CD2AP: variants seen among roughly 807,000 people sequenced by gnomAD.
The protein encoded by CD2AP is CD2-associated protein.
Under a neutral mutation model 85.1 loss-of-function variants are expected in CD2AP, and 46 were observed. That is an observed-to-expected ratio of 0.54 (90% CI 0.43 to 0.69). CD2AP has a LOEUF of 0.69. CD2AP is among the 30% of genes least tolerant of loss of function. CD2AP has a pLI of 0.00. For synonymous variants in CD2AP, 255 were observed against 252.9 expected, an observed-to-expected ratio of 1.01 and a Z score of -0.08; for missense variants, 769 against 729.5, an observed-to-expected ratio of 1.05 and a Z score of -0.62.
chr6:47,513,907 C>G lies in CD2AP; in HGVS notation c.165+10467C>G, dbSNP rs575343143. Among the ~76,000 whole-genome samples, 11 of 150,506 alleles carry G rather than the reference C, an allele frequency of 7.3e-5. 1 individual carries two copies. The East Asian group carries it at 2.1e-3, about 29-fold the overall frequency. On this transcript the variant is annotated intron_variant, in intron 2 of 17. Transcript: ENST00000359314. ...AATTTTTTTTTGGGGGGGGGGCTAG[C>G]CTTACAGATGTACAGTAGTATCTAC...
chr6:47,607,490 C>T (rs370153974), intron 14 of CD2AP, among the ~76,000 whole-genome samples: 43 of 152,132 alleles, frequency 2.8e-4, no homozygotes, highest in Middle Eastern at 3.4e-3. Context: ...TGGATAAAAA[C>T]CATTTTAATT....
At chr6:47,505,011 CT>C (rs58060161) in intron 2 of CD2AP, among the ~76,000 whole-genome samples, 159 of 95,058 alleles carry the variant, frequency 1.7e-3, no homozygotes, top group African/African-American at 3.6e-3. Flanking sequence ...GTGGCAGTTT[CT>C]TTTTTTTTTT....
intron 2 of CD2AP, among the ~76,000 whole-genome samples, chr6:47,524,176 A>C (rs1200038391): frequency 6.6e-6 from 1 of 152,148 alleles, no homozygotes; most frequent in Non-Finnish European, 1.5e-5. Flanking sequence ...AGGAGTTAAT[A>C]CATTTTGTTT....
At chr6:47,542,549 G>A (rs1470875158) in intron 3 of CD2AP, among the ~76,000 whole-genome samples, 1 of 152,134 alleles carries the variant, frequency 6.6e-6, no homozygotes, top group Admixed American at 6.5e-5. Flanking sequence ...GAAAGGGCAG[G>A]AGGGTATTAG....
At chr6:47,481,482 A>AT (rs1765442280) in intron 1 of CD2AP, among the ~76,000 whole-genome samples, 1 of 152,046 alleles carries the variant, frequency 6.6e-6, no homozygotes, top group Admixed American at 6.5e-5. Flanking sequence ...AGTAGCTGGG[A>AT]TTACAGGTGT....
intron 11 of CD2AP, among the ~76,000 whole-genome samples, chr6:47,595,307 G>T (rs1768909135): frequency 1.3e-5 from 2 of 151,882 alleles, no homozygotes; most frequent in South Asian, 4.2e-4. Context: ...AAAATTCTTA[G>T]TGCAGTACTA....
chr6:47,526,241 G>C (rs1236676084), intron 2 of CD2AP, among the ~76,000 whole-genome samples: 2 of 152,108 alleles, frequency 1.3e-5, no homozygotes, highest in Non-Finnish European at 2.9e-5. Context: ...AGAGTAGATT[G>C]GTGAGAGTGT....
chr6:47,562,400 A>G (rs1582562221), intron 5 of CD2AP, among the ~76,000 whole-genome samples: 1 of 152,340 alleles, frequency 6.6e-6, no homozygotes, highest in East Asian at 1.9e-4. Flanking sequence ...TATCAGATCT[A>G]ATGATGAGAG....
chr6:47,583,292 T>G (rs893603427), intron 11 of CD2AP, among the ~76,000 whole-genome samples: 1 of 152,200 alleles, frequency 6.6e-6, no homozygotes, highest in Non-Finnish European at 1.5e-5. Flanking sequence ...GTCCATAGTT[T>G]CCTTTAGTGT....
intron 12 of CD2AP, among the ~76,000 whole-genome samples, chr6:47,597,883 G>A (rs1768993145): frequency 6.6e-6 from 1 of 150,626 alleles, no homozygotes; most frequent in African/African-American, 2.4e-5. Flanking sequence ...TCTTTCAAAG[G>A]AGGACTCCAG....
chr6:47,505,369 C>T (rs1362936816), intron 2 of CD2AP, among the ~76,000 whole-genome samples: 1 of 149,580 alleles, frequency 6.7e-6, no homozygotes, highest in African/African-American at 2.5e-5. Context: ...CAACAGGATC[C>T]CAAGACAGAG....
At chr6:47,550,758 T>C (rs1385783708) in intron 4 of CD2AP, among the ~76,000 whole-genome samples, 2 of 152,148 alleles carry the variant, frequency 1.3e-5, no homozygotes, top group African/African-American at 4.8e-5. Context: ...CAGTTCACAA[T>C]TGCAAAAATG....
Position 47,577,051 on chromosome 6 carries a change from AT to A in CD2AP, c.852del (p.Asn284LysfsTer12), listed in dbSNP as rs1314606093. 3 of 1,542,436 alleles carry A rather than the reference AT, an allele frequency of 1.9e-6. No individual in the cohort carries two copies. Among genetic ancestry groups the A allele is most frequent in the Non-Finnish European group, 2.7e-6 (3 of 1,115,130 alleles). The part of the protein sequence containing the change: ...CRTLFAYEGT[N>X]EDELTFKEGE... ...ACATTATTTGCCTATGAAGGTACTA[AT>A]GAAGATGAACTTACTTTTAAAGAGG... On this transcript the variant is annotated frameshift_variant, in exon 8 of 18. Transcript: ENST00000359314. LOFTEE classifies it high-confidence loss of function.
At chr6:47,506,762 G>C (rs1454789345) in intron 2 of CD2AP, among the ~76,000 whole-genome samples, 2 of 146,340 alleles carry the variant, frequency 1.4e-5, no homozygotes, top group Admixed American at 6.8e-5. Flanking sequence ...CTTCGGCTCC[G>C]CATGAGAGGG....
chr6:47,524,906 G>C (rs1766683983), intron 2 of CD2AP, among the ~76,000 whole-genome samples: 1 of 152,050 alleles, frequency 6.6e-6, no homozygotes, highest in Non-Finnish European at 1.5e-5. Context: ...TTGACACTTA[G>C]ACGATACGTA....
intron 17 of CD2AP, 63 bp downstream of exon 17, chr6:47,612,599 C>T: frequency 8.9e-7 from 1 of 1,123,568 alleles, no homozygotes; most frequent in Non-Finnish European, 1.4e-6. Context: ...TTTTCCCAAC[C>T]CAACTGGGTA....
At chr6:47,579,356 T>G in intron 8 of CD2AP, 29 bp from the exon 9 acceptor site, 1 of 1,273,358 alleles carries the variant, frequency 7.9e-7, no homozygotes, top group Non-Finnish European at 1.1e-6. Flanking sequence ...AAAGGTCTAT[T>G]GTCTTAATTA....
At chr6:47,560,564 T>G (rs1357069689) in intron 5 of CD2AP, among the ~76,000 whole-genome samples, 1 of 152,134 alleles carries the variant, frequency 6.6e-6, no homozygotes, top group Non-Finnish European at 1.5e-5. Context: ...TGTTTGTTTG[T>G]TTGTCTTTTT....
intron 3 of CD2AP, among the ~76,000 whole-genome samples, chr6:47,540,348 GA>G (rs1325318780): frequency 6.6e-6 from 1 of 151,916 alleles, no homozygotes; most frequent in Non-Finnish European, 1.5e-5. Context: ...TTTGAAATGT[GA>G]AAAATCTCAA....
Sources: gnomAD v4.1 joint callset for allele counts (sites outside exome capture counted in the v4.1 genomes callset) on GRCh38, gnomAD v4.1.1 for gene constraint, MANE v1.5 for transcripts, NCBI Gene and HGNC (gene_info 2026-07-23, HGNC 2026-07-21) for gene names.